RPH3AL: variants seen among roughly 807,000 people sequenced by gnomAD.
RPH3AL encodes rab effector Noc2.
Under a neutral mutation model 43.1 loss-of-function variants are expected in RPH3AL, and 38 were observed. The observed-to-expected ratio is 0.88, with a 90% CI of 0.68 to 1.15. RPH3AL has a LOEUF of 1.15. Among genes scored for constraint, RPH3AL ranks in the 50% most tolerant of loss-of-function variants. RPH3AL has a pLI of 0.00. For missense variants in RPH3AL, 462 were observed against 423.2 expected (o/e 1.09, Z -0.81); for synonymous variants, 189 against 176.3 (o/e 1.07, Z -0.57).
At chr17:237,031 G>C (rs2041414192) in intron 7 of RPH3AL, among the ~76,000 whole-genome samples, 1 of 152,194 alleles carries the variant, frequency 6.6e-6, no homozygotes, top group African/African-American at 2.4e-5. Context: ...TAGCGGCCAT[G>C]AGTCACAGAG....
intron 5 of RPH3AL, among the ~76,000 whole-genome samples, chr17:307,672 G>A (rs747916209): frequency 7.2e-5 from 11 of 152,214 alleles, no homozygotes; most frequent in Admixed American, 1.3e-4. Flanking sequence ...CCAGGGATCC[G>A]TGTGGTTCCC....
Position 274,016 on chromosome 17 carries a change from G to A in RPH3AL, c.438+7752C>T, listed in dbSNP as rs994818507. On this transcript the variant is annotated intron_variant, in intron 6 of 9. Coordinates refer to ENST00000331302, the MANE Select transcript of RPH3AL (RefSeq NM_006987.4). The surrounding 1 kb of genome is among the most constrained non-coding windows in gnomAD (Gnocchi z 4.7). ...CAGGAATGGTTTGCAGAATCCTGGGGAATCTAGATTCCAGTGAACTTTTCT... is the reference window on the plus strand; with the variant it reads ...CAGGAATGGTTTGCAGAATCCTGGGAAATCTAGATTCCAGTGAACTTTTCT... Among the ~76,000 whole-genome samples the A allele has an allele frequency of 2.0e-5, 3 of 152,212 alleles. No individual in the cohort carries two copies. The highest frequency in any genetic ancestry group is 7.2e-5 in the African/African-American group (3 of 41,444).
At chr17:330,548 G>A (rs904940372) in intron 2 of RPH3AL, among the ~76,000 whole-genome samples, 4 of 152,218 alleles carry the variant, frequency 2.6e-5, no homozygotes, top group Non-Finnish European at 4.4e-5. Context: ...CCACATGGGT[G>A]TACAAAGCAT....
rs2044865498 is a variant in RPH3AL, at chr17:333,813, C to CT, written c.-92dup. On this transcript the variant is annotated 5_prime_UTR_variant, in exon 2 of 10. Coordinates refer to ENST00000331302, the MANE Select transcript of RPH3AL (RefSeq NM_006987.4). The surrounding 1 kb of genome is among the most constrained non-coding windows in gnomAD (Gnocchi z 4.5). ...AAAGCTGTCAGCTGCAGGCCTCATG[C>CT]TTGCTGTCTCCAAAGTGCACGTACA... 6.2e-6 allele frequency: 1 copy of CT among 162,102 alleles called. No homozygotes were observed. The highest frequency in any genetic ancestry group is 2.4e-5 in the African/African-American group (1 of 41,670). 10.0% of individuals were successfully genotyped at this position (162,102 alleles called of 1,614,324 possible).
chr17:243,860 TCTA>T, intron 7 of RPH3AL, among the ~76,000 whole-genome samples: 1 of 151,062 alleles, frequency 6.6e-6, no homozygotes, highest in South Asian at 2.1e-4. Context: ...ATTACCTTCC[TCTA>T]CTGATTACAC....
chr17:258,486 G>T (rs1555545202), intron 6 of RPH3AL, among the ~76,000 whole-genome samples: 1 of 152,170 alleles, frequency 6.6e-6, no homozygotes, highest in Admixed American at 6.5e-5. Flanking sequence ...GCTTGATGGG[G>T]TGTGCTGGTG....
intron 6 of RPH3AL, 51 bp from the exon 7 acceptor site, chr17:247,336 C>A: frequency 6.7e-7 from 1 of 1,486,686 alleles, no homozygotes; most frequent in East Asian, 2.3e-5. Flanking sequence ...AGGAGCCTCC[C>A]CTCCTGCTCC....
Position 332,887 on chromosome 17 carries a change from G to A in RPH3AL, c.-37+872C>T, listed in dbSNP as rs758471039. Reference sequence around the variant, plus strand: ...GGCCGGCCCAGCAGGCAGATGTTCCGGAACCCTTGTAAAACCCCGCAGTAC... The same window carrying A: ...GGCCGGCCCAGCAGGCAGATGTTCCAGAACCCTTGTAAAACCCCGCAGTAC... On this transcript the variant is annotated intron_variant, in intron 2 of 9. Coordinates refer to ENST00000331302, the MANE Select transcript of RPH3AL (RefSeq NM_006987.4). The A allele has an allele frequency of 2.1e-5, 14 of 658,106 alleles. No individual in the cohort carries two copies. In the East Asian group the frequency reaches 6.1e-4, roughly 29 times the overall value. 40.8% of individuals were successfully genotyped at this position (658,106 alleles called of 1,614,324 possible).
intron 7 of RPH3AL, among the ~76,000 whole-genome samples, chr17:220,347 A>T (rs2040935837): frequency 6.6e-6 from 1 of 151,422 alleles, no homozygotes; most frequent in Admixed American, 6.6e-5. Context: ...ACTCACTGAG[A>T]CAATAGACCC....
At chr17:347,376 A>C (rs539140147) in intron 1 of RPH3AL, among the ~76,000 whole-genome samples, 1 of 152,368 alleles carries the variant, frequency 6.6e-6, no homozygotes, top group African/African-American at 2.4e-5. Flanking sequence ...ACTGCAAAAC[A>C]GTACAGCCAA....
intron 7 of RPH3AL, among the ~76,000 whole-genome samples, chr17:235,252 G>A (rs1426967871): frequency 1.4e-5 from 2 of 141,492 alleles, no homozygotes. Context: ...GACGGGTCCA[G>A]GGTCCAAAGC....
rs1050182333 is a variant in RPH3AL, at chr17:325,088, T to C, written c.77+2379A>G. The stretch of plus-strand genomic sequence containing the variant: ...TGGTCAGGCTGGTCTTGAGAACTCC[T>C]GGCCTCAGGTGATCCGCCCGCCTCA... On this transcript the variant is annotated intron_variant, in intron 3 of 9. Coordinates refer to ENST00000331302, the MANE Select transcript of RPH3AL (RefSeq NM_006987.4). 3.3e-5 allele frequency among the ~76,000 whole-genome samples: 5 copies of C among 151,946 alleles called. No homozygotes were observed. In the South Asian group the frequency reaches 8.3e-4, roughly 25 times the overall value.
intron 6 of RPH3AL, among the ~76,000 whole-genome samples, chr17:266,512 C>A (rs1330016040): frequency 2.6e-5 from 4 of 152,232 alleles, no homozygotes; most frequent in South Asian, 4.1e-4. Flanking sequence ...GGAAATCACA[C>A]CCCAGGAAAG....
At chr17:219,542 T>TTTTTTTTTTTTTGG in intron 8 of RPH3AL, 81 bp downstream of exon 8, 1 of 374,904 alleles carries the variant, frequency 2.7e-6, no homozygotes, top group Non-Finnish European at 5.1e-6. Flanking sequence ...TTTTTTTTTT[T>TTTTTTTTTTTTTGG]GAGATGGAGT....
chr17:308,035 A>G (rs1326495559), intron 5 of RPH3AL, among the ~76,000 whole-genome samples: 1 of 152,220 alleles, frequency 6.6e-6, no homozygotes, highest in Non-Finnish European at 1.5e-5. Context: ...CAGAAGAATT[A>G]AGTGACTTTT....
rs893766868 is a variant in RPH3AL at position 286,684 on chromosome 17, G to A, written c.352-4830C>T. On this transcript the variant is annotated intron_variant, in intron 5 of 9. Transcript: ENST00000331302. ...CCTTGGTGCAAACACAGCCCTTCAC[G>A]ATCTGTGTCTAGGACAGTCCCGGGG... is the stretch of plus-strand genomic sequence containing the variant. Among the ~76,000 whole-genome samples, 3 of 152,112 alleles carry A rather than the reference G, an allele frequency of 2.0e-5. No homozygotes were observed. In the East Asian group the frequency reaches 5.8e-4, roughly 29 times the overall value.
chr17:334,664 G>T lies in RPH3AL; in HGVS notation c.-212-730C>A, dbSNP rs972860286. 9.3e-5 allele frequency among the ~76,000 whole-genome samples: 13 copies of T among 139,708 alleles called. 1 individual carries two copies. The allele number at this position is 139,708 out of a possible 152,430, so 91.7% of individuals were successfully genotyped here. ...CCTTCTCCCCACGCCTTCCCCCAGG[G>T]CCAGCCCGTCCACTGTGGAGGGACA... is the stretch of plus-strand genomic sequence containing the variant. On this transcript the variant is annotated intron_variant, in intron 1 of 9. Coordinates refer to ENST00000331302, the MANE Select transcript of RPH3AL (RefSeq NM_006987.4).
intron 5 of RPH3AL, among the ~76,000 whole-genome samples, chr17:284,263 G>A (rs906008294): frequency 2.0e-5 from 3 of 152,128 alleles, no homozygotes; most frequent in Non-Finnish European, 4.4e-5. Flanking sequence ...TATAGATGAA[G>A]GAACAAAGGC....
rs951544434 is a variant in RPH3AL, at chr17:215,599, A to G, written c.876+55T>C. On this transcript the variant is annotated intron_variant, in intron 9 of 9. Transcript: ENST00000331302. The surrounding 1 kb of genome is among the most constrained non-coding windows in gnomAD (Gnocchi z 4.1). The stretch of plus-strand genomic sequence containing the variant: ...CTCCAGTTTGGGAGGAGTGAGTGAG[A>G]GAGGACACGGCCGCGGGGGCAGGAG... 4.0e-6 allele frequency: 5 copies of G among 1,246,162 alleles called. No individual in the cohort carries two copies. The highest frequency in any genetic ancestry group is 5.1e-6 in the Non-Finnish European group (5 of 988,790). 77.2% of individuals were successfully genotyped at this position (1,246,162 alleles called of 1,614,324 possible). A position where few individuals can be genotyped will look rare whatever the true frequency, so the allele number is the denominator to read the frequency against.
Sources: gnomAD v4.1 joint callset for allele counts (sites outside exome capture counted in the v4.1 genomes callset) on GRCh38, gnomAD v4.1.1 for gene constraint, Gnocchi (gnomAD v3.1) non-coding constraint, MANE v1.5 for transcripts, NCBI Gene and HGNC (gene_info 2026-07-23, HGNC 2026-07-21) for gene names.